Variants in EML6 observed in about 807,000 individuals in gnomAD.
EML6 encodes echinoderm microtubule-associated protein-like 6.
In EML6, 154 loss-of-function variants were observed where a neutral mutation model predicts 240.1. The observed-to-expected ratio is 0.64, with a 90% confidence interval of 0.56 to 0.73. The LOEUF is 0.73. Ranked by LOEUF, EML6 falls within the 30% of genes least tolerant of loss-of-function variation. EML6 has a pLI of 0.00. For missense variants in EML6, 2,964 were observed against 2,474.6 expected, an observed-to-expected ratio of 1.20 and a Z score of -4.20; for synonymous variants, 1,148 against 899.0, an observed-to-expected ratio of 1.28 and a Z score of -4.95.
At chr2:54,866,738 C>A in intron 13 of EML6, 28 bp from the exon 14 acceptor site, 3 of 1,382,856 alleles carry the variant, frequency 2.2e-6, no homozygotes, top group Non-Finnish European at 3.0e-6. Context: ...AAAGGCATCT[C>A]ACCCAGATGT....
chr2:54,888,798 G>C (rs894553547), intron 17 of EML6, among the ~76,000 whole-genome samples: 6 of 152,174 alleles, frequency 3.9e-5, no homozygotes, highest in Non-Finnish European at 7.3e-5. Context: ...GCCACATTTT[G>C]ACAATTATGA....
chr2:54,925,453 T>G (rs113318549), intron 26 of EML6, among the ~76,000 whole-genome samples: 9 of 152,230 alleles, frequency 5.9e-5, no homozygotes, highest in African/African-American at 2.2e-4. Context: ...CTGTGAGATC[T>G]TATTACCACC....
intron 2 of EML6, among the ~76,000 whole-genome samples, chr2:54,799,882 C>T (rs1670026459): frequency 6.6e-6 from 1 of 152,140 alleles, no homozygotes; most frequent in South Asian, 2.1e-4. Flanking sequence ...CTGACCTTTG[C>T]TAGAAATTAT....
rs538848431 is a variant in EML6, at chr2:54,943,242, C to T, written c.4005-5640C>T. Among the ~76,000 whole-genome samples, 3 of 152,338 alleles carry T rather than the reference C, an allele frequency of 2.0e-5. No individual in the cohort carries two copies. The East Asian group carries it at 5.8e-4, about 29-fold the overall frequency. ...ATCCTTCACTCACGTAAGCCATTCA[C>T]CTTCTTCCCTCTCTTCTCAGAGGAA... On this transcript the variant is annotated intron_variant, in intron 28 of 41. Transcript: ENST00000356458.
In EML6 at chr2:54,968,738, A is replaced by G. The variant is rs1313918257; in HGVS notation, c.5822A>G (p.Tyr1941Cys). Residue 1941 changes from tyrosine (Y) to cysteine (C), a missense_variant, in exon 41 of 42, where the codon TAT becomes TGT. Transcript: ENST00000356458. ...ATCCGTTTCTCTTATGATGACAAGT[A>G]TGTGGTCAGCACTGGAGGAGACGAC... is the stretch of plus-strand genomic sequence containing the variant. ...TNIRFSYDDKYVVSTGGDDCS... is the reference protein window; with the variant it reads ...TNIRFSYDDKCVVSTGGDDCS... The G allele has an allele frequency of 1.9e-6, 3 of 1,549,388 alleles. No homozygotes were observed. The highest frequency in any genetic ancestry group is 2.4e-5 in the East Asian group (1 of 40,910).
At chr2:54,858,732 T>TA (rs770043388) in intron 11 of EML6, among the ~76,000 whole-genome samples, 3 of 152,240 alleles carry the variant, frequency 2.0e-5, no homozygotes, top group African/African-American at 7.2e-5. Context: ...TTCACCTTCT[T>TA]ACAAATCATT....
chr2:54,760,147 A>G (rs1008746545), intron 2 of EML6, among the ~76,000 whole-genome samples: 3 of 151,556 alleles, frequency 2.0e-5, no homozygotes, highest in African/African-American at 7.3e-5. Flanking sequence ...GACTCGATCC[A>G]TATTTTTAAT....
intron 25 of EML6, among the ~76,000 whole-genome samples, chr2:54,912,303 T>C (rs1429010788): frequency 6.6e-6 from 1 of 152,250 alleles, no homozygotes; most frequent in African/African-American, 2.4e-5. Context: ...TTAACTTTTT[T>C]ATATGGAGAA....
Position 54,899,676 on chromosome 2 carries a change from T to G in EML6, c.3018T>G (p.Ala1006=), listed in dbSNP as rs554449630. The G allele has an allele frequency of 3.9e-6, 6 of 1,553,900 alleles. No homozygotes were observed. The South Asian group carries it at 5.9e-5, about 15-fold the overall frequency. The part of the protein sequence containing the change: ...HMEGEVWGLA[A]HPLLPICATV... ...AAGGAGAAGTGTGGGGGTTGGCAGC[T>G]CACCCTCTCCTGCCCATCTGTGCAA... Residue 1006 remains alanine (A), a synonymous_variant, in exon 22 of 42, where the codon GCT becomes GCG. Coordinates refer to ENST00000356458, the MANE Select transcript of EML6 (RefSeq NM_001039753.4).
rs976767107 is a variant in EML6, at chr2:54,928,522, C to T, written c.3877+8C>T. On this transcript the variant is annotated splice_region_variant and intron_variant, in intron 27 of 41. Coordinates refer to ENST00000356458, the MANE Select transcript of EML6 (RefSeq NM_001039753.4). ...ACGTGGAAGAGGATGGAGGTGAGCC[C>T]CCCACCTGCCACATGCCTCCTGCGC... 1.9e-6 allele frequency: 3 copies of T among 1,544,474 alleles called. No individual in the cohort carries two copies. Among genetic ancestry groups the T allele is most frequent in the South Asian group, 1.2e-5 (1 of 83,378 alleles).
At chr2:54,938,184 A>G (rs956327163) in intron 28 of EML6, among the ~76,000 whole-genome samples, 4 of 152,180 alleles carry the variant, frequency 2.6e-5, no homozygotes, top group African/African-American at 4.8e-5. Context: ...TGTCTCTACT[A>G]AAAATACAAA....
At chr2:54,829,164 A>G (rs1339726684) in intron 6 of EML6, among the ~76,000 whole-genome samples, 178 bp from the exon 7 acceptor site, 1 of 152,230 alleles carries the variant, frequency 6.6e-6, no homozygotes, top group Non-Finnish European at 1.5e-5. Flanking sequence ...TTTTAAATGT[A>G]GCTGAGATGA....
chr2:54,728,491 A>G (rs1683009434), intron 2 of EML6, among the ~76,000 whole-genome samples: 1 of 152,156 alleles, frequency 6.6e-6, no homozygotes, highest in South Asian at 2.1e-4. Context: ...GCTTTAGGGG[A>G]AAGGGCACTG....
At chr2:54,891,309 T>C (rs1672456935) in intron 18 of EML6, among the ~76,000 whole-genome samples, 155 bp downstream of exon 18, 1 of 152,228 alleles carries the variant, frequency 6.6e-6, no homozygotes, top group South Asian at 2.1e-4. Flanking sequence ...CTTAGAACGC[T>C]TGAAGCTTAG....
At position 54,957,888 on chromosome 2, in the gene EML6, C is replaced by T; in HGVS notation, c.4585C>T (p.His1529Tyr). 7 of 1,551,540 alleles carry T rather than the reference C, an allele frequency of 4.5e-6. No individual in the cohort carries two copies. Among genetic ancestry groups the T allele is most frequent in the Non-Finnish European group, 6.1e-6 (7 of 1,146,988 alleles). The stretch of plus-strand genomic sequence containing the variant: ...GCAGTTTGTATCTGTCGGGGTCAAA[C>T]ATATGAAGTTCTGGACCCTGGCAGG... Reference protein sequence around the residue: ...DTQFVSVGVKHMKFWTLAGSA... With the variant: ...DTQFVSVGVKYMKFWTLAGSA... The change falls in exon 33 of 42, where the codon CAT becomes TAT. Residue 1529 changes from histidine to tyrosine, a missense_variant. Transcript: ENST00000356458.
rs1290814020 is a variant in EML6 at position 54,919,519 on chromosome 2, A to G, written c.3675+2584A>G. Among the ~76,000 whole-genome samples the G allele has an allele frequency of 3.9e-5, 6 of 152,022 alleles. 1 individual carries two copies. The highest frequency in any genetic ancestry group is 8.8e-5 in the Non-Finnish European group (6 of 68,006). On this transcript the variant is annotated intron_variant, in intron 26 of 41. Coordinates refer to ENST00000356458, the MANE Select transcript of EML6 (RefSeq NM_001039753.4). Reference sequence around the variant, plus strand: ...TCTGTTTCTGTCCAGTGTTACGTTCATTGCCCATCCCAAAGCCGCCTGGCA... The same window carrying G: ...TCTGTTTCTGTCCAGTGTTACGTTCGTTGCCCATCCCAAAGCCGCCTGGCA...
chr2:54,881,277 T>G (rs1671792791), intron 17 of EML6: 1 of 152,174 alleles, frequency 6.6e-6, no homozygotes, highest in Admixed American at 6.5e-5. Context: ...CAATGATACA[T>G]ATTTACATAA....
Position 54,859,709 on chromosome 2 carries a change from C to T in EML6, c.1825+8C>T. 4.6e-6 allele frequency: 7 copies of T among 1,523,342 alleles called. No homozygotes were observed. Among genetic ancestry groups the T allele is most frequent in the African/African-American group, 1.4e-5 (1 of 71,378 alleles). 94.4% of individuals were successfully genotyped at this position (1,523,342 alleles called of 1,614,324 possible). A position where few individuals can be genotyped will look rare whatever the true frequency, so the allele number is the denominator to read the frequency against. The stretch of plus-strand genomic sequence containing the variant: ...TGGAAACTGCACCCCAAGGTAAACC[C>T]AGCAATAATTTCTTAACATCATTTT... On this transcript the variant is annotated splice_region_variant and intron_variant, in intron 12 of 41. Coordinates refer to ENST00000356458, the MANE Select transcript of EML6 (RefSeq NM_001039753.4).
intron 17 of EML6, among the ~76,000 whole-genome samples, chr2:54,889,241 C>T (rs1215480938): frequency 6.6e-6 from 1 of 152,096 alleles, no homozygotes; most frequent in African/African-American, 2.4e-5. Context: ...TCTCTGCACT[C>T]TGCTTTTCTG....
Sources: gnomAD v4.1 joint callset for allele counts (sites outside exome capture counted in the v4.1 genomes callset) on GRCh38, gnomAD v4.1.1 for gene constraint, MANE v1.5 for transcripts, NCBI Gene and HGNC (gene_info 2026-07-23, HGNC 2026-07-21) for gene names.